The following CDH4 variants were observed in gnomAD, a reference collection of about 807,000 sequenced individuals.
CDH4 encodes cadherin 4, also known as cadherin-4.
CDH4 carries 33 observed loss-of-function variants against 86.0 expected under a neutral mutation model. The ratio of observed to expected loss-of-function variants is 0.38; its 90% CI spans 0.29 to 0.51. CDH4 has a LOEUF of 0.51. CDH4 is among the 20% of genes least tolerant of loss of function. The probability of loss-of-function intolerance (pLI) is 0.86; values close to 1 mark genes in which losing one functional copy is unlikely to be tolerated. For synonymous variants in CDH4, 555 were observed against 549.4 expected (o/e 1.01, Z -0.14); for missense variants, 1,114 against 1,307.4 (o/e 0.85, Z 2.28).
rs181183022 is a variant in CDH4 at position 61,280,114 on chromosome 20, G to A, written c.169+25177G>A. 2.4e-3 allele frequency among the ~76,000 whole-genome samples: 359 copies of A among 152,234 alleles called. 1 individual carries two copies. The highest frequency in any genetic ancestry group is 8.3e-3 in the African/African-American group (344 of 41,540). On this transcript the variant is annotated intron_variant, in intron 2 of 15. Coordinates refer to ENST00000614565, the MANE Select transcript of CDH4 (RefSeq NM_001794.5). The stretch of plus-strand genomic sequence containing the variant: ...CACCCACCCTGGGCTGTGAGTCTGC[G>A]TCTGCCAGCCTTGATTGGGTCTGCC...
At chr20:61,515,670 TGA>T in intron 2 of CDH4, among the ~76,000 whole-genome samples, 1 of 152,344 alleles carries the variant, frequency 6.6e-6, no homozygotes, top group Non-Finnish European at 1.5e-5. Context: ...ACTTCCTGGA[TGA>T]GATTCAGGGC....
chr20:61,258,673 G>C (rs1474049063), intron 2 of CDH4, among the ~76,000 whole-genome samples: 1 of 152,216 alleles, frequency 6.6e-6, no homozygotes, highest in Admixed American at 6.5e-5. Flanking sequence ...TGCAGACATA[G>C]GTGGTCACAT....
intron 3 of CDH4, among the ~76,000 whole-genome samples, chr20:61,744,037 G>A (rs1056333894): frequency 6.6e-6 from 1 of 152,200 alleles, no homozygotes; most frequent in African/African-American, 2.4e-5. Context: ...ACTATGCCAC[G>A]GTCTTGTCGC....
chr20:61,587,709 G>A (rs1486216983), intron 2 of CDH4, among the ~76,000 whole-genome samples: 1 of 152,142 alleles, frequency 6.6e-6, no homozygotes, highest in Non-Finnish European at 1.5e-5. Context: ...CTCAAAGGCG[G>A]ACGGCCTTAC....
chr20:61,565,221 T>TTGTGGTCCTCTTGGTG (rs1414076004), intron 2 of CDH4, among the ~76,000 whole-genome samples: 2 of 40,548 alleles, frequency 4.9e-5, no homozygotes, highest in Non-Finnish European at 9.8e-5. Flanking sequence ...CTCTCGGTGG[T>TTGTGGTCCTCTTGGTG]AGGTGGTGGT....
chr20:61,648,929 G>A (rs1408485758), intron 2 of CDH4, among the ~76,000 whole-genome samples: 2 of 152,170 alleles, frequency 1.3e-5, no homozygotes, highest in Admixed American at 1.3e-4. Flanking sequence ...TCCTGCAGGT[G>A]GCCCCACCTC....
At chr20:61,765,032 A>C (rs1286857447) in intron 3 of CDH4, among the ~76,000 whole-genome samples, 3 of 152,202 alleles carry the variant, frequency 2.0e-5, no homozygotes, top group Non-Finnish European at 4.4e-5. Flanking sequence ...AAGCTGATTA[A>C]GAAGCAGGCA....
At position 61,329,349 on chromosome 20, in the gene CDH4, C is replaced by CCCG. The variant is rs1568799915; in HGVS notation, c.169+74412_169+74413insCCG. Among the ~76,000 whole-genome samples, 660 of 150,174 alleles carry CCCG rather than the reference C, an allele frequency of 4.4e-3. 175 individuals are homozygous for CCCG. The highest frequency in any genetic ancestry group is 0.014 in the East Asian group (68 of 5,032). On this transcript the variant is annotated intron_variant, in intron 2 of 15. Transcript: ENST00000614565. ...AGGGCACCCAGGTCCTCATGGTTCC[C>CCCG]TCGTGGGTCTGGGACGCGGGTCGAG...
At chr20:61,499,553 G>T in intron 2 of CDH4, 1 of 1,271,180 alleles carries the variant, frequency 7.9e-7, no homozygotes. Context: ...TTATCTAACT[G>T]GGCCCTGATG....
intron 2 of CDH4, among the ~76,000 whole-genome samples, chr20:61,334,918 C>A (rs2084609051): frequency 6.6e-6 from 1 of 152,226 alleles, no homozygotes; most frequent in Admixed American, 6.5e-5. Context: ...TGCAGGAAAC[C>A]TTGAGACCTT....
At chr20:61,831,726 G>C (rs35071831) in intron 4 of CDH4, among the ~76,000 whole-genome samples, 66,905 of 152,180 alleles carry the variant, frequency 0.44, 16,777 homozygotes, top group Non-Finnish European at 0.58. Flanking sequence ...GGGCGGGGTG[G>C]GGGGACAGGG....
At chr20:61,927,212 A>G (rs560501200) in intron 11 of CDH4, among the ~76,000 whole-genome samples, 2 of 152,380 alleles carry the variant, frequency 1.3e-5, no homozygotes, top group South Asian at 2.1e-4. Flanking sequence ...AGCTGCCATC[A>G]GGAGCAAAGC....
intron 2 of CDH4, among the ~76,000 whole-genome samples, chr20:61,304,085 T>C (rs2084400779): frequency 6.6e-6 from 1 of 152,142 alleles, no homozygotes; most frequent in South Asian, 2.1e-4. Flanking sequence ...AAGGAACCCG[T>C]GTCCTGGGGC....
At chr20:61,490,795 GCTGT>G (rs1226186988) in intron 2 of CDH4, among the ~76,000 whole-genome samples, 9 of 152,280 alleles carry the variant, frequency 5.9e-5, no homozygotes, top group East Asian at 1.9e-4. Context: ...ACAGCACACG[GCTGT>G]CTAATTGTCA....
intron 2 of CDH4, among the ~76,000 whole-genome samples, chr20:61,611,014 G>A (rs1387734197): frequency 1.3e-5 from 2 of 152,016 alleles, no homozygotes; most frequent in Non-Finnish European, 2.9e-5. Context: ...CTCTGCACAG[G>A]CACAATGGAT....
At chr20:61,924,559 G>A in intron 11 of CDH4, 83 bp downstream of exon 11, 1 of 1,489,352 alleles carries the variant, frequency 6.7e-7, no homozygotes, top group South Asian at 1.3e-5. Context: ...TGCTGGCCAG[G>A]GAGACCCCGA....
At chr20:61,555,318 AG>A (rs2086169450) in intron 2 of CDH4, among the ~76,000 whole-genome samples, 1 of 152,202 alleles carries the variant, frequency 6.6e-6, no homozygotes, top group South Asian at 2.1e-4. Context: ...GGAGTGAAGC[AG>A]TAAGGGCAGT....
intron 3 of CDH4, among the ~76,000 whole-genome samples, chr20:61,751,876 C>T (rs535330187): frequency 1.3e-5 from 2 of 152,330 alleles, no homozygotes; most frequent in Non-Finnish European, 2.9e-5. Flanking sequence ...ACCCCTACCT[C>T]ACACCACAAC....
At position 61,367,865 on chromosome 20, in the gene CDH4, AT is replaced by A. The variant is rs1568816262; in HGVS notation, c.169+112929del. ...TTGCCTGGAAATGCCTTTCTCCAGG[AT>A]CTTTTTTTTTTTTTTTTTTTTTGAG... is the stretch of plus-strand genomic sequence containing the variant. On this transcript the variant is annotated intron_variant, in intron 2 of 15. Transcript: ENST00000614565. Among the ~76,000 whole-genome samples the A allele has an allele frequency of 3.4e-4, 47 of 137,392 alleles. 3 individuals carry two copies. Among genetic ancestry groups the A allele is most frequent in the East Asian group, 1.1e-3 (5 of 4,698 alleles). 90.1% of individuals were successfully genotyped at this position (137,392 alleles called of 152,430 possible). A position where few individuals can be genotyped will look rare whatever the true frequency, so the allele number is the denominator to read the frequency against.
Sources: gnomAD v4.1 joint callset for allele counts (sites outside exome capture counted in the v4.1 genomes callset) on GRCh38, gnomAD v4.1.1 for gene constraint, MANE v1.5 for transcripts, NCBI Gene and HGNC (gene_info 2026-07-23, HGNC 2026-07-21) for gene names.